The following ASIC2 variants were observed in gnomAD, a reference collection of about 807,000 sequenced individuals.
ASIC2 encodes acid-sensing ion channel 2.
In ASIC2, 25 loss-of-function variants were observed where a neutral mutation model predicts 57.3. The observed-to-expected ratio is 0.44, with a 90% confidence interval of 0.32 to 0.61. ASIC2 has a LOEUF of 0.61. ASIC2 is among the 20% of genes least tolerant of loss of function. The pLI is 0.06. For synonymous variants in ASIC2, 319 were observed against 307.5 expected, an observed-to-expected ratio of 1.04 and a Z score of -0.39; for missense variants, 641 against 738.1, an observed-to-expected ratio of 0.87 and a Z score of 1.52.
intron 1 of ASIC2, among the ~76,000 whole-genome samples, chr17:33,517,104 C>T (rs1343759710): frequency 6.6e-6 from 1 of 152,114 alleles, no homozygotes; most frequent in Non-Finnish European, 1.5e-5. Context: ...CTTAGTTATA[C>T]CTTTTGCTGC....
chr17:33,367,671 C>A (rs1229780557), intron 1 of ASIC2, among the ~76,000 whole-genome samples: 1 of 152,176 alleles, frequency 6.6e-6, no homozygotes, highest in Non-Finnish European at 1.5e-5. Flanking sequence ...TTCTCAGCAT[C>A]ATTAACAGGC....
intron 9 of ASIC2, 88 bp from the exon 10 acceptor site, chr17:33,014,154 A>AGCACCTTCCCC: frequency 9.6e-7 from 1 of 1,041,252 alleles, no homozygotes; most frequent in Non-Finnish European, 1.5e-6. Flanking sequence ...GGCCCTGGGG[A>AGCACCTTCCCC]AGGTGCTCCC....
intron 1 of ASIC2, among the ~76,000 whole-genome samples, chr17:34,040,609 G>A (rs776104518): frequency 6.6e-6 from 1 of 152,190 alleles, no homozygotes; most frequent in Non-Finnish European, 1.5e-5. Context: ...AGTGCTGCCA[G>A]GTGAGAGAGT....
chr17:33,735,624 T>C (rs554522466), intron 1 of ASIC2, among the ~76,000 whole-genome samples: 1 of 152,244 alleles, frequency 6.6e-6, no homozygotes, highest in African/African-American at 2.4e-5. Context: ...CCTTAGAGAA[T>C]TGTATTTGCA....
chr17:34,156,161 C>G lies in ASIC2; in HGVS notation c.372G>C (p.Pro124=). The G allele has an allele frequency of 6.2e-7, 1 of 1,614,022 alleles. No individual in the cohort carries two copies. The highest frequency in any genetic ancestry group is 1.3e-5 in the African/African-American group (1 of 75,014). ...CGGAGGGGTCAGCCAGATGGGGGTCCGGGATCTGCAGGTTGACATCCAGCA... is the reference window on the plus strand; with the variant it reads ...CGGAGGGGTCAGCCAGATGGGGGTCGGGGATCTGCAGGTTGACATCCAGCA... Residue 124 remains proline (P), a synonymous_variant, in exon 1 of 10, where the codon CCG becomes CCC. Transcript: ENST00000359872. This position sits in a 1 kb window ranked among gnomAD's most constrained non-coding sequence, Gnocchi z 4.4.
At chr17:33,774,233 A>G (rs1427264479) in intron 1 of ASIC2, among the ~76,000 whole-genome samples, 2 of 152,262 alleles carry the variant, frequency 1.3e-5, no homozygotes, top group South Asian at 2.1e-4. Flanking sequence ...CTCATGCCCC[A>G]TTTTTATTCA....
chr17:33,408,164 A>G (rs1424323926), intron 1 of ASIC2, among the ~76,000 whole-genome samples: 1 of 152,230 alleles, frequency 6.6e-6, no homozygotes, highest in East Asian at 1.9e-4. Context: ...ACCTATGCAC[A>G]TTAATCAATT....
At chr17:33,459,388 T>C (rs975739183) in intron 1 of ASIC2, among the ~76,000 whole-genome samples, 2 of 152,156 alleles carry the variant, frequency 1.3e-5, no homozygotes, top group East Asian at 3.9e-4. Flanking sequence ...ATTCATCCAA[T>C]GGATATTTAC....
chr17:33,161,763 C>T (rs1905166675), intron 1 of ASIC2, among the ~76,000 whole-genome samples: 1 of 151,736 alleles, frequency 6.6e-6, no homozygotes, highest in African/African-American at 2.4e-5. Context: ...TCACTAGGAT[C>T]CCAGGAGGTG....
chr17:33,175,277 G>T (rs562196255), intron 1 of ASIC2, among the ~76,000 whole-genome samples: 1 of 152,262 alleles, frequency 6.6e-6, no homozygotes, highest in Non-Finnish European at 1.5e-5. Context: ...CCCCAAGTTT[G>T]ATCTGGCCTG....
chr17:33,434,837 A>C (rs1413024547), intron 1 of ASIC2, among the ~76,000 whole-genome samples: 1 of 152,236 alleles, frequency 6.6e-6, no homozygotes, highest in Admixed American at 6.5e-5. Context: ...ATCTGATTTG[A>C]AAATGTAGAT....
chr17:33,768,283 G>A (rs1233552389), intron 1 of ASIC2, among the ~76,000 whole-genome samples: 2 of 152,120 alleles, frequency 1.3e-5, no homozygotes, highest in East Asian at 3.9e-4. Flanking sequence ...TGGGATCACA[G>A]ACGTGAGCCA....
At chr17:33,576,884 C>T (rs1916640535) in intron 1 of ASIC2, among the ~76,000 whole-genome samples, 1 of 152,150 alleles carries the variant, frequency 6.6e-6, no homozygotes, top group Admixed American at 6.5e-5. Flanking sequence ...CACTTTTCTT[C>T]TCTATAAAAT....
chr17:33,691,604 T>G (rs1032281691), intron 1 of ASIC2, among the ~76,000 whole-genome samples: 3 of 152,242 alleles, frequency 2.0e-5, no homozygotes, highest in Non-Finnish European at 2.9e-5. Flanking sequence ...ACTTATACAT[T>G]AAAGTGATTG....
At chr17:33,195,422 T>C (rs755947423) in intron 1 of ASIC2, among the ~76,000 whole-genome samples, 1 of 152,208 alleles carries the variant, frequency 6.6e-6, no homozygotes, top group Non-Finnish European at 1.5e-5. Context: ...GTCAGGATTA[T>C]GGGTGGAAAA....
Position 33,710,519 on chromosome 17 carries a change from G to A in ASIC2, c.555+445459C>T, listed in dbSNP as rs568362344. Among the ~76,000 whole-genome samples, 310 of 152,308 alleles carry A rather than the reference G, an allele frequency of 2.0e-3. 1 individual carries two copies. The Middle Eastern group carries it at 0.034, about 17-fold the overall frequency. ...GTGGGTCAGGTCTGCAATCTGGTGAGGTCATGGGAGGCTTCCCAGAGGAGA... is the reference window on the plus strand; with the variant it reads ...GTGGGTCAGGTCTGCAATCTGGTGAAGTCATGGGAGGCTTCCCAGAGGAGA... On this transcript the variant is annotated intron_variant, in intron 1 of 9. Coordinates refer to the ASIC2 transcript ENST00000359872.
chr17:33,327,748 C>T (rs534168343), intron 1 of ASIC2, among the ~76,000 whole-genome samples: 73 of 152,310 alleles, frequency 4.8e-4, no homozygotes, highest in African/African-American at 1.8e-3. Context: ...TCCCTGGAAA[C>T]ATATGTTGAA....
intron 1 of ASIC2, among the ~76,000 whole-genome samples, chr17:33,497,216 C>T (rs1240015976): frequency 6.6e-6 from 1 of 152,252 alleles, no homozygotes; most frequent in Non-Finnish European, 1.5e-5. Context: ...CTTCCCTAGC[C>T]TTCCTTAAAA....
chr17:33,982,797 C>T (rs1597961585), intron 1 of ASIC2, among the ~76,000 whole-genome samples: 1 of 152,306 alleles, frequency 6.6e-6, no homozygotes, highest in East Asian at 1.9e-4. Context: ...TACTTGATAG[C>T]TATGTGACTT....
Sources: gnomAD v4.1 joint callset for allele counts (sites outside exome capture counted in the v4.1 genomes callset) on GRCh38, gnomAD v4.1.1 for gene constraint, Gnocchi (gnomAD v3.1) non-coding constraint, MANE v1.5 for transcripts, NCBI Gene and HGNC (gene_info 2026-07-23, HGNC 2026-07-21) for gene names.